The following FHAD1 variants were observed in gnomAD, a reference collection of about 807,000 sequenced individuals.
FHAD1 encodes forkhead-associated domain-containing protein 1.
FHAD1 carries 146 observed loss-of-function variants against 191.3 expected under a neutral mutation model. The ratio of observed to expected loss-of-function variants is 0.76; its 90% confidence interval spans 0.67 to 0.88. FHAD1 has a LOEUF of 0.88. Among genes scored for constraint, FHAD1 ranks in the 40% least tolerant of loss-of-function variants. The probability of loss-of-function intolerance (pLI) is 0.00; values close to 1 mark genes in which losing one functional copy is unlikely to be tolerated. For synonymous variants in FHAD1, 616 were observed against 672.3 expected (o/e 0.92, Z 1.29); for missense variants, 1,635 against 1,785.8 (o/e 0.92, Z 1.52).
At chr1:15,382,283 T>A in intron 31 of FHAD1, 90 bp downstream of exon 31, 1 of 1,323,692 alleles carries the variant, frequency 7.6e-7, no homozygotes, top group Non-Finnish European at 1.0e-6. Flanking sequence ...AGGATCCAGG[T>A]AGCACAGAAC....
chr1:15,383,041 T>G, intron 31 of FHAD1: 1 of 465,748 alleles, frequency 2.1e-6, no homozygotes, highest in Non-Finnish European at 4.4e-6. Flanking sequence ...CTCTGGTATC[T>G]CATCTGTAGC....
chr1:15,370,228 C>T (rs1439093001), intron 26 of FHAD1, among the ~76,000 whole-genome samples: 1 of 152,194 alleles, frequency 6.6e-6, no homozygotes, highest in Non-Finnish European at 1.5e-5. Flanking sequence ...CCTCCTGCCT[C>T]AGCCTCCCAA....
chr1:15,250,741 A>G (rs1364884240), intron 1 of FHAD1, among the ~76,000 whole-genome samples: 1 of 152,232 alleles, frequency 6.6e-6, no homozygotes, highest in Admixed American at 6.5e-5. Flanking sequence ...CTGGAGGCTG[A>G]GGCAGGAGGA....
rs561798995 is a variant in FHAD1 at position 15,327,948 on chromosome 1, G to T, written c.1558-329G>T. ...CTTCAGAGGCTGAGGCAGGAGAATC[G>T]CTTGAACCCAGGAGGCGGAGGTTGC... On this transcript the variant is annotated intron_variant, in intron 12 of 33. Transcript: ENST00000688493. This position sits in a 1 kb window ranked among gnomAD's most constrained non-coding sequence, Gnocchi z 5.1. The T allele has an allele frequency of 3.9e-5, 6 of 155,590 alleles. No homozygotes were observed. Among genetic ancestry groups the T allele is most frequent in the Non-Finnish European group, 7.0e-5 (5 of 70,936 alleles). The allele number at this position is 155,590 out of a possible 1,614,324, so 9.6% of individuals were successfully genotyped here.
At chr1:15,374,382 AT>A in intron 26 of FHAD1, 119 bp from the exon 27 acceptor site, 2 of 1,242,956 alleles carry the variant, frequency 1.6e-6, no homozygotes, top group Non-Finnish European at 2.2e-6. Flanking sequence ...CCCTAATGCT[AT>A]TTTTCCAAAG....
intron 28 of FHAD1, among the ~76,000 whole-genome samples, chr1:15,377,590 CA>C (rs1213798795): frequency 1.3e-5 from 2 of 152,228 alleles, no homozygotes; most frequent in African/African-American, 2.4e-5. Flanking sequence ...GTAATCCCAG[CA>C]CTTTGGGAGG....
intron 18 of FHAD1, among the ~76,000 whole-genome samples, chr1:15,347,651 G>T (rs757147034): frequency 6.6e-6 from 1 of 152,204 alleles, no homozygotes; most frequent in Non-Finnish European, 1.5e-5. Flanking sequence ...GTTTCACCAC[G>T]TTGGCCAGGC....
chr1:15,397,020 T>TAAAAAAAAAAAA (rs5772637), intron 33 of FHAD1, among the ~76,000 whole-genome samples: 42 of 115,916 alleles, frequency 3.6e-4, no homozygotes, highest in African/African-American at 1.3e-3. Flanking sequence ...CCGTCTCTAC[T>TAAAAAAAAAAAA]AAAAAAAAAA....
chr1:15,372,198 A>AGAAG (rs1027988411), intron 26 of FHAD1, among the ~76,000 whole-genome samples: 6 of 146,992 alleles, frequency 4.1e-5, no homozygotes, highest in African/African-American at 1.5e-4. Flanking sequence ...GAGCAGAGCC[A>AGAAG]GAAGGAAGGA....
chr1:15,245,368 C>G (rs1645888514), upstream of FHAD1, among the ~76,000 whole-genome samples: 1 of 151,354 alleles, frequency 6.6e-6, no homozygotes, highest in South Asian at 2.1e-4. Flanking sequence ...TTTTGCTGTT[C>G]TTATTGTTTT....
intron 10 of FHAD1, among the ~76,000 whole-genome samples, chr1:15,321,385 T>G (rs1676208247): frequency 6.6e-6 from 1 of 152,238 alleles, no homozygotes; most frequent in East Asian, 1.9e-4. Flanking sequence ...ACTATTTTAG[T>G]GGTTATTCTA....
intron 5 of FHAD1, among the ~76,000 whole-genome samples, chr1:15,300,212 C>A (rs1431905787): frequency 6.6e-6 from 1 of 152,148 alleles, no homozygotes; most frequent in Non-Finnish European, 1.5e-5. Flanking sequence ...CTAACAAATT[C>A]TTCGGCTACG....
At chr1:15,250,316 T>C (rs1646624512) in intron 1 of FHAD1, among the ~76,000 whole-genome samples, 1 of 152,220 alleles carries the variant, frequency 6.6e-6, no homozygotes, top group South Asian at 2.1e-4. Flanking sequence ...GTCACTGAAG[T>C]GTTTGTCTTA....
intron 28 of FHAD1, among the ~76,000 whole-genome samples, chr1:15,378,784 G>C (rs1700229712): frequency 6.6e-6 from 1 of 151,764 alleles, no homozygotes; most frequent in African/African-American, 2.4e-5. Flanking sequence ...AATCTCCCAG[G>C]TTTACAGTAT....
intron 3 of FHAD1, among the ~76,000 whole-genome samples, chr1:15,285,011 G>A (rs1661940640): frequency 6.6e-6 from 1 of 152,224 alleles, no homozygotes. Context: ...GTTGATAACT[G>A]ACCTTGATCC....
intron 23 of FHAD1, among the ~76,000 whole-genome samples, chr1:15,363,020 C>T (rs1223601103): frequency 1.3e-5 from 2 of 152,218 alleles, no homozygotes; most frequent in Non-Finnish European, 2.9e-5. Flanking sequence ...ACATTCAGAT[C>T]CTCAGACTGT....
chr1:15,336,497 T>G (rs1013073209), intron 14 of FHAD1, among the ~76,000 whole-genome samples: 5 of 152,078 alleles, frequency 3.3e-5, no homozygotes, highest in African/African-American at 1.2e-4. Flanking sequence ...CCCTTTCCTC[T>G]CCTTCCCAGG....
Position 15,292,862 on chromosome 1 carries a change from G to A in FHAD1, c.568+3196G>A, listed in dbSNP as rs558369573. 1.9e-4 allele frequency among the ~76,000 whole-genome samples: 29 copies of A among 152,308 alleles called. No individual in the cohort carries two copies. In the South Asian group the frequency reaches 3.9e-3, roughly 21 times the overall value. On this transcript the variant is annotated intron_variant, in intron 4 of 33. Transcript: ENST00000688493. ...CCCAGCAGTTTGGGAGGCTGAGGCA[G>A]GAGGATCCCTTGAAGATAGGAGTTC...
At chr1:15,292,325 GT>G (rs1553248438) in intron 4 of FHAD1, among the ~76,000 whole-genome samples, 5 of 148,344 alleles carry the variant, frequency 3.4e-5, no homozygotes, top group South Asian at 2.1e-4. Flanking sequence ...TTTTTGTGGG[GT>G]TTTTTTTGTT....
Sources: allele counts gnomAD v4.1 joint callset (sites outside exome capture counted in the v4.1 genomes callset), GRCh38; gene constraint gnomAD v4.1.1; non-coding constraint Gnocchi (gnomAD v3.1); transcripts MANE v1.5; gene names NCBI Gene and HGNC (gene_info 2026-07-23, HGNC 2026-07-21).